Variants in CPLX2 observed in about 807,000 individuals in gnomAD.
CPLX2 encodes complexin-2.
CPLX2 carries 5 observed loss-of-function variants against 16.3 expected under a neutral mutation model. That is an observed-to-expected ratio of 0.31 (90% confidence interval 0.16 to 0.64). CPLX2 has a LOEUF of 0.64. CPLX2 is among the 30% of genes least tolerant of loss of function. The pLI is 0.79. For missense variants in CPLX2, 144 were observed against 181.4 expected, an observed-to-expected ratio of 0.79 and a Z score of 1.18; for synonymous variants, 89 against 73.2, an observed-to-expected ratio of 1.22 and a Z score of -1.10.
chr5:175,801,454 A>G (rs554927895), intron 1 of CPLX2, among the ~76,000 whole-genome samples: 15 of 152,252 alleles, frequency 9.9e-5, no homozygotes, highest in African/African-American at 3.4e-4. Context: ...CTGGGAAAGG[A>G]GAGTGGTAAG....
chr5:175,799,559 T>A (rs950230926), intron 1 of CPLX2, among the ~76,000 whole-genome samples: 7 of 141,056 alleles, frequency 5.0e-5, no homozygotes, highest in Admixed American at 2.1e-4. Context: ...TATATATATA[T>A]ATATATATAT....
At position 175,882,634 on chromosome 5, in the gene CPLX2, G is replaced by A. The variant is rs1338805565; in HGVS notation, c.*2589G>A. 15 of 152,750 alleles carry A rather than the reference G, an allele frequency of 9.8e-5. No homozygotes were observed. The highest frequency in any genetic ancestry group is 3.6e-4 in the African/African-American group (15 of 41,444). 9.5% of individuals were successfully genotyped at this position (152,750 alleles called of 1,614,324 possible). On this transcript the variant is annotated 3_prime_UTR_variant, in exon 4 of 4. Transcript: ENST00000393745. ...CCCCACCCTGATGCCTGCCCTCCAG[G>A]ATGGCTGGTTTAGTCTGGGTCCATG...
At position 175,872,089 on chromosome 5, in the gene CPLX2, G is replaced by C. The variant is rs963375458; in HGVS notation, c.-89+384G>C. The C allele has an allele frequency of 1.4e-4, 21 of 152,342 alleles. No homozygotes were observed. Among genetic ancestry groups the C allele is most frequent in the African/African-American group, 5.1e-4 (21 of 41,570 alleles). 9.4% of individuals were successfully genotyped at this position (152,342 alleles called of 1,614,324 possible). ...AGAACAACTTTGAGCTCGCGGGAGTGGGGGACGTCGATCTAAGCTACTTCT... is the reference window on the plus strand; with the variant it reads ...AGAACAACTTTGAGCTCGCGGGAGTCGGGGACGTCGATCTAAGCTACTTCT... On this transcript the variant is annotated intron_variant, in intron 1 of 3. Coordinates refer to ENST00000393745, the MANE Select transcript of CPLX2 (RefSeq NM_001008220.2). The surrounding 1 kb of genome is among the most constrained non-coding windows in gnomAD (Gnocchi z 5.0).
At chr5:175,852,123 C>G (rs1051862435) in intron 2 of CPLX2, among the ~76,000 whole-genome samples, 2 of 152,212 alleles carry the variant, frequency 1.3e-5, no homozygotes, top group African/African-American at 4.8e-5. Flanking sequence ...CGTGTGGGCT[C>G]AAACTCAGAT....
chr5:175,859,503 G>A (rs1759322837), intron 2 of CPLX2, among the ~76,000 whole-genome samples: 2 of 152,362 alleles, frequency 1.3e-5, no homozygotes, highest in Middle Eastern at 3.4e-3. Flanking sequence ...GGGCACCAAA[G>A]GCACTGCTCT....
chr5:175,873,502 G>A (rs184627089), intron 1 of CPLX2, among the ~76,000 whole-genome samples: 2 of 152,224 alleles, frequency 1.3e-5, no homozygotes, highest in Admixed American at 6.5e-5. Context: ...TAACCAGGAA[G>A]GGCAAGACAA....
chr5:175,824,091 C>G (rs1469761505), intron 2 of CPLX2, among the ~76,000 whole-genome samples: 1 of 152,214 alleles, frequency 6.6e-6, no homozygotes. Context: ...AATTGGAGGG[C>G]TCTATGGACA....
chr5:175,801,422 G>T (rs1758095175), intron 1 of CPLX2, among the ~76,000 whole-genome samples: 1 of 152,182 alleles, frequency 6.6e-6, no homozygotes, highest in Non-Finnish European at 1.5e-5. Context: ...CATGGAGGTG[G>T]GCAATGGATG....
chr5:175,821,699 C>T (rs185999005), intron 2 of CPLX2, among the ~76,000 whole-genome samples: 101 of 152,314 alleles, frequency 6.6e-4, no homozygotes, highest in Admixed American at 1.6e-3. Flanking sequence ...TGAGCCACCA[C>T]GCCCGGCCCT....
chr5:175,816,254 A>G (rs1758405774), intron 2 of CPLX2, among the ~76,000 whole-genome samples: 1 of 151,848 alleles, frequency 6.6e-6, no homozygotes, highest in Non-Finnish European at 1.5e-5. Context: ...TGCAACCTCC[A>G]GCTTCTGGGT....
intron 1 of CPLX2, among the ~76,000 whole-genome samples, chr5:175,875,546 A>G (rs2113711294): frequency 6.6e-6 from 1 of 152,334 alleles, no homozygotes; most frequent in East Asian, 1.9e-4. Context: ...AAGATCAAGT[A>G]TCAATGAGGT....
chr5:175,840,734 G>C (rs1454164420), intron 2 of CPLX2, among the ~76,000 whole-genome samples: 1 of 152,212 alleles, frequency 6.6e-6, no homozygotes, highest in Non-Finnish European at 1.5e-5. Flanking sequence ...TTAGGCTGGT[G>C]CCAGGGAAAA....
Position 175,857,415 on chromosome 5 carries a change from A to T in CPLX2, c.-88-21237A>T, listed in dbSNP as rs112386019. Among the ~76,000 whole-genome samples, 471 of 152,286 alleles carry T rather than the reference A, an allele frequency of 3.1e-3. 2 individuals carry two copies. Among genetic ancestry groups the T allele is most frequent in the African/African-American group, 0.011 (443 of 41,572 alleles). ...ATTCACAGATGCTCCTTGACTTACAATGGGTTTATGTCCCAATAAACCCAT... is the reference window on the plus strand; with the variant it reads ...ATTCACAGATGCTCCTTGACTTACATTGGGTTTATGTCCCAATAAACCCAT... On this transcript the variant is annotated intron_variant, in intron 2 of 4. Coordinates refer to the CPLX2 transcript ENST00000359546.
intron 2 of CPLX2, among the ~76,000 whole-genome samples, chr5:175,834,958 GGAAGAGTGCTCCAGA>G (rs1758801066): frequency 6.6e-6 from 1 of 152,214 alleles, no homozygotes; most frequent in African/African-American, 2.4e-5. Context: ...ACAGGGTCGG[GGAAGAGTGCTCCAGA>G]GAGGGACAAC....
intron 2 of CPLX2, among the ~76,000 whole-genome samples, chr5:175,834,302 C>T (rs1338256414): frequency 3.3e-5 from 5 of 151,796 alleles, no homozygotes; most frequent in African/African-American, 1.2e-4. Flanking sequence ...TGTGTAGATA[C>T]AGGCAGGTAC....
At chr5:175,827,626 TGCCGAGCA>T (rs1758643061) in intron 2 of CPLX2, among the ~76,000 whole-genome samples, 1 of 152,158 alleles carries the variant, frequency 6.6e-6, no homozygotes, top group Admixed American at 6.5e-5. Context: ...TGGTGGTCAG[TGCCGAGCA>T]CCTGTAATCC....
intron 2 of CPLX2, among the ~76,000 whole-genome samples, chr5:175,826,547 C>A (rs1355468297): frequency 6.6e-6 from 1 of 152,198 alleles, no homozygotes; most frequent in Admixed American, 6.5e-5. Context: ...AGGAATCAGA[C>A]GGACCCTCAA....
At chr5:175,813,822 C>T (rs191781459) in intron 2 of CPLX2, among the ~76,000 whole-genome samples, 1 of 152,374 alleles carries the variant, frequency 6.6e-6, no homozygotes, top group Non-Finnish European at 1.5e-5. Flanking sequence ...AGGTTAGCCT[C>T]TCCTTAACCA....
intron 2 of CPLX2, among the ~76,000 whole-genome samples, chr5:175,847,360 C>T (rs1344196771): frequency 1.3e-5 from 2 of 152,122 alleles, no homozygotes; most frequent in East Asian, 1.9e-4. Context: ...GGGCTGGGTC[C>T]GAGGTCTCAC....
Sources: gnomAD v4.1 joint callset for allele counts (sites outside exome capture counted in the v4.1 genomes callset) on GRCh38, gnomAD v4.1.1 for gene constraint, Gnocchi (gnomAD v3.1) non-coding constraint, MANE v1.5 for transcripts, NCBI Gene and HGNC (gene_info 2026-07-23, HGNC 2026-07-21) for gene names.